The following LRBA variants were observed in gnomAD, a reference collection of about 807,000 sequenced individuals.
LRBA encodes lipopolysaccharide-responsive and beige-like anchor protein.
A neutral mutation model predicts 330.0 loss-of-function variants in LRBA; 176 were observed. That is an observed-to-expected ratio of 0.53 (90% confidence interval 0.47 to 0.60). The LOEUF (loss-of-function observed/expected upper bound fraction) is 0.60. LRBA is among the 20% of genes least tolerant of loss of function. LRBA has a pLI of 0.00. For missense variants in LRBA, 3,259 were observed against 3,444.8 expected (o/e 0.95, Z 1.35); for synonymous variants, 1,230 against 1,193.0 (o/e 1.03, Z -0.64).
At chr4:150,817,354 T>G in intron 30 of LRBA, 97 bp from the exon 31 acceptor site, 1 of 1,100,084 alleles carries the variant, frequency 9.1e-7, no homozygotes, top group Non-Finnish European at 1.3e-6. Flanking sequence ...TAACTTATTT[T>G]TCTAATTTTC....
intron 40 of LRBA, among the ~76,000 whole-genome samples, chr4:150,528,583 T>C (rs532346591): frequency 1.2e-4 from 19 of 152,116 alleles, no homozygotes; most frequent in African/African-American, 4.3e-4. Flanking sequence ...TTTTTTTAAA[T>C]AGCAGCATAA....
chr4:150,854,605 G>A (rs531756742), intron 22 of LRBA, among the ~76,000 whole-genome samples: 28 of 152,332 alleles, frequency 1.8e-4, no homozygotes, highest in African/African-American at 6.0e-4. Flanking sequence ...GAAGTACAGA[G>A]TGAAGAACTG....
chr4:150,870,554 G>T lies in LRBA; in HGVS notation c.2420C>A (p.Pro807His). 1 of 1,596,056 alleles carries T rather than the reference G, an allele frequency of 6.3e-7. No homozygotes were observed. ...GTTTTGTATCTTCACTGAAGAATCA[G>T]GATCTGGATGCTGTTTATGTATCAC... The part of the protein sequence containing the change: ...TQVIHKQHPD[P>H]DSSVKIQNPQ... Residue 807 changes from proline (P) to histidine (H), a missense_variant, in exon 20 of 57, where the codon CCT becomes CAT. Physicochemically the swap from Pro to His is moderately conservative, Grantham distance 77. Transcript: ENST00000651943.
intron 34 of LRBA, among the ~76,000 whole-genome samples, chr4:150,770,566 ATT>A (rs201592631): frequency 0.037 from 4,185 of 114,508 alleles, 156 homozygotes; most frequent in African/African-American, 0.11. Flanking sequence ...GAAAACAAAG[ATT>A]TTATATATAT....
chr4:150,559,177 A>G (rs988595268), intron 40 of LRBA, among the ~76,000 whole-genome samples: 6 of 152,188 alleles, frequency 3.9e-5, no homozygotes, highest in Non-Finnish European at 8.8e-5. Context: ...AAAATTGGCA[A>G]TGTCAAGAAA....
chr4:150,450,768 C>T (rs889909576), intron 44 of LRBA, among the ~76,000 whole-genome samples: 7 of 152,108 alleles, frequency 4.6e-5, no homozygotes, highest in Admixed American at 4.6e-4. Flanking sequence ...GGTGGGGTGG[C>T]TTACACCTAT....
intron 56 of LRBA, among the ~76,000 whole-genome samples, chr4:150,266,059 G>T (rs1745282093): frequency 6.6e-6 from 1 of 151,502 alleles, no homozygotes; most frequent in South Asian, 2.1e-4. Flanking sequence ...CGGACAGCTG[G>T]TATGTGCAGG....
intron 2 of LRBA, among the ~76,000 whole-genome samples, chr4:150,941,114 C>A (rs778774972): frequency 6.6e-6 from 1 of 151,978 alleles, no homozygotes; most frequent in Non-Finnish European, 1.5e-5. Context: ...ATTAGGTATT[C>A]TGCTACCTGC....
chr4:150,340,707 GTTGCT>G (rs1581058328), intron 48 of LRBA, among the ~76,000 whole-genome samples: 1 of 152,098 alleles, frequency 6.6e-6, no homozygotes, highest in Non-Finnish European at 1.5e-5. Flanking sequence ...GTTATTTGTT[GTTGCT>G]TTAGATGTAC....
intron 53 of LRBA, among the ~76,000 whole-genome samples, chr4:150,301,558 CTTCTT>C (rs1261735838): frequency 6.6e-5 from 10 of 152,076 alleles, no homozygotes; most frequent in East Asian, 1.9e-4. Flanking sequence ...TTCACACACA[CTTCTT>C]TTAACATTAT....
At chr4:150,627,977 G>C (rs748945842) in intron 37 of LRBA, among the ~76,000 whole-genome samples, 1 of 152,040 alleles carries the variant, frequency 6.6e-6, no homozygotes, top group Non-Finnish European at 1.5e-5. Context: ...GAGAAAAATT[G>C]TAATAATAAA....
At chr4:150,400,552 G>A (rs140625186) in intron 47 of LRBA, among the ~76,000 whole-genome samples, 2 of 152,182 alleles carry the variant, frequency 1.3e-5, no homozygotes, top group East Asian at 3.9e-4. Flanking sequence ...ATAAAAAGAC[G>A]GTTTCAAAGA....
rs79962536 is a variant in LRBA, at chr4:150,719,044, A to G, written c.5754+16214T>C. Among the ~76,000 whole-genome samples, 1,192 of 152,152 alleles carry G rather than the reference A, an allele frequency of 7.8e-3. 12 individuals are homozygous for G. The highest frequency in any genetic ancestry group is 0.027 in the African/African-American group (1,136 of 41,546). On this transcript the variant is annotated intron_variant, in intron 36 of 56. Coordinates refer to ENST00000651943, the MANE Select transcript of LRBA (RefSeq NM_001364905.1). ...TAAGAATTAGTTGCTACTTATATAT[A>G]CCTCTAATAGCTACTGAAATAGCAT...
intron 2 of LRBA, among the ~76,000 whole-genome samples, chr4:150,992,133 T>C (rs1187689705): frequency 1.3e-5 from 2 of 152,100 alleles, no homozygotes; most frequent in East Asian, 1.9e-4. Flanking sequence ...CTAGCCAACA[T>C]GGCGAAACCC....
At chr4:150,892,320 T>C (rs1275608535) in intron 17 of LRBA, among the ~76,000 whole-genome samples, 1 of 152,198 alleles carries the variant, frequency 6.6e-6, no homozygotes, top group Non-Finnish European at 1.5e-5. Context: ...GTTGAAGCCC[T>C]ATCATTAGTA....
intron 37 of LRBA, among the ~76,000 whole-genome samples, chr4:150,600,387 A>T (rs1773988687): frequency 1.3e-5 from 2 of 152,144 alleles, no homozygotes; most frequent in South Asian, 2.1e-4. Flanking sequence ...CTTTATTTTG[A>T]TGTTTTAAAG....
intron 42 of LRBA, 44 bp from the exon 43 acceptor site, chr4:150,471,783 A>G (rs1405363843): frequency 3.7e-5 from 32 of 867,620 alleles, no homozygotes; most frequent in Admixed American, 8.3e-5. Context: ...ATTATATCAC[A>G]ATAATAAATC....
intron 37 of LRBA, among the ~76,000 whole-genome samples, chr4:150,609,052 T>C (rs551560831): frequency 2.6e-5 from 4 of 152,344 alleles, no homozygotes; most frequent in African/African-American, 9.6e-5. Context: ...CTTTGGGTTT[T>C]ACGATGAGAA....
At chr4:150,333,015 T>C (rs1734187398) in intron 48 of LRBA, among the ~76,000 whole-genome samples, 1 of 151,970 alleles carries the variant, frequency 6.6e-6, no homozygotes, top group African/African-American at 2.4e-5. Context: ...AGAGACAATA[T>C]ATATAGAGAG....
Sources: allele counts gnomAD v4.1 joint callset (sites outside exome capture counted in the v4.1 genomes callset), GRCh38; gene constraint gnomAD v4.1.1; transcripts MANE v1.5; gene names NCBI Gene and HGNC (gene_info 2026-07-23, HGNC 2026-07-21).